The following JPH3 variants were observed in gnomAD, a reference collection of about 807,000 sequenced individuals.
JPH3 encodes the protein junctophilin 3.
A neutral mutation model predicts 59.6 loss-of-function variants in JPH3; 11 were observed. The ratio of observed to expected loss-of-function variants is 0.18; its 90% confidence interval spans 0.12 to 0.31. The LOEUF (loss-of-function observed/expected upper bound fraction) is 0.31. Among genes scored for constraint, JPH3 ranks in the 10% least tolerant of loss-of-function variants. The pLI is 1.00. For synonymous variants in JPH3, 673 were observed against 483.6 expected (o/e 1.39, Z -5.14); for missense variants, 1,202 against 1,105.7 (o/e 1.09, Z -1.24).
intron 2 of JPH3, among the ~76,000 whole-genome samples, chr16:87,656,746 C>T (rs1012157327): frequency 2.6e-5 from 4 of 152,138 alleles, no homozygotes; most frequent in Non-Finnish European, 5.9e-5. Flanking sequence ...TCCTGGTGTC[C>T]GCCTTTCTCC....
intron 2 of JPH3, among the ~76,000 whole-genome samples, chr16:87,681,083 C>T (rs968226988): frequency 6.6e-6 from 1 of 152,184 alleles, no homozygotes; most frequent in Non-Finnish European, 1.5e-5. Context: ...TATTACCCAT[C>T]GCAGGAGTCA....
chr16:87,696,061 G>GA (rs1482646638), intron 4 of JPH3: 1 of 456,448 alleles, frequency 2.2e-6, no homozygotes, highest in South Asian at 1.5e-5. Context: ...AAGGTGTGGT[G>GA]AGGGGGGGTT....
chr16:87,656,418 GC>G (rs762600008), intron 2 of JPH3, among the ~76,000 whole-genome samples: 5 of 152,210 alleles, frequency 3.3e-5, no homozygotes, highest in Non-Finnish European at 5.9e-5. Context: ...TACAGAGGGG[GC>G]TTCAGCTTCC....
rs899720810 is a variant in JPH3, at chr16:87,604,114, C to G, written c.382+586C>G. Reference sequence around the variant, plus strand: ...GTGGTTGGACGCGGACTAGCGCTGTCGAAGCAGGCTGCTGGAGGGAGGAGG... The same window carrying G: ...GTGGTTGGACGCGGACTAGCGCTGTGGAAGCAGGCTGCTGGAGGGAGGAGG... On this transcript the variant is annotated intron_variant, in intron 1 of 4. Transcript: ENST00000284262. 48 of 1,330,520 alleles carry G rather than the reference C, an allele frequency of 3.6e-5. 1 individual carries two copies. Among genetic ancestry groups the G allele is most frequent in the Non-Finnish European group, 4.4e-5 (45 of 1,024,466 alleles). 82.4% of individuals were successfully genotyped at this position (1,330,520 alleles called of 1,614,324 possible).
At chr16:87,604,993 G>A in intron 1 of JPH3, 2 of 444,770 alleles carry the variant, frequency 4.5e-6, no homozygotes, top group Non-Finnish European at 9.1e-6. Flanking sequence ...GTGTGTGTGT[G>A]CGCGCGCGTG....
At chr16:87,664,872 G>A (rs779231750) in intron 2 of JPH3, among the ~76,000 whole-genome samples, 1 of 152,184 alleles carries the variant, frequency 6.6e-6, no homozygotes, top group Non-Finnish European at 1.5e-5. Context: ...AGAGGCCCAA[G>A]GAAGCGTCAT....
In JPH3 at chr16:87,691,094, C is replaced by CT. The variant is rs200545048; in HGVS notation, c.2166+568_2166+569insT. Among the ~76,000 whole-genome samples the CT allele has an allele frequency of 4.4e-4, 67 of 151,254 alleles. 1 individual carries two copies. Among genetic ancestry groups the CT allele is most frequent in the African/African-American group, 1.5e-3 (60 of 41,276 alleles). ...CGTCAGCCTCACCCAGCACCCCCCC[C>CT]CCAAATTCGTTCCTCCAGGGCAGGC... On this transcript the variant is annotated intron_variant, in intron 4 of 4. Coordinates refer to ENST00000284262, the MANE Select transcript of JPH3 (RefSeq NM_020655.4).
At chr16:87,632,890 C>G (rs1405482529) in intron 1 of JPH3, among the ~76,000 whole-genome samples, 1 of 147,438 alleles carries the variant, frequency 6.8e-6, no homozygotes, top group Non-Finnish European at 1.5e-5. Flanking sequence ...TGGACTCTGT[C>G]TCAAAAAAAA....
At chr16:87,671,407 C>G (rs978517411) in intron 2 of JPH3, among the ~76,000 whole-genome samples, 5 of 152,200 alleles carry the variant, frequency 3.3e-5, no homozygotes, top group Non-Finnish European at 5.9e-5. Context: ...GATGACAGCA[C>G]CAGGCTCATG....
intron 1 of JPH3, among the ~76,000 whole-genome samples, chr16:87,639,452 A>G (rs562526287): frequency 6.6e-6 from 1 of 152,290 alleles, no homozygotes; most frequent in South Asian, 2.1e-4. Context: ...CATAACCTAC[A>G]GTGTCCCGTC....
intron 1 of JPH3, among the ~76,000 whole-genome samples, chr16:87,623,444 G>A (rs1046115055): frequency 6.6e-6 from 1 of 152,204 alleles, no homozygotes; most frequent in African/African-American, 2.4e-5. Context: ...GCTGTGTGGG[G>A]GACATGCCGT....
chr16:87,690,392 C>G lies in JPH3; in HGVS notation c.2032C>G (p.Leu678Val). The G allele has an allele frequency of 6.6e-7, 1 of 1,518,300 alleles. No individual in the cohort carries two copies. Among genetic ancestry groups the G allele is most frequent in the Non-Finnish European group, 8.8e-7 (1 of 1,135,620 alleles). The allele number at this position is 1,518,300 out of a possible 1,614,324, so 94.1% of individuals were successfully genotyped here. The change falls in exon 4 of 5, where the codon CTG becomes GTG. Residue 678 changes from leucine to valine, a missense_variant. Leu to Val is a conservative substitution (Grantham distance 32). Transcript: ENST00000284262. ...ASSAEPAVQK[L>V]ASLRLGGAEP... ...CTCCGCGGAGCCCGCCGTGCAGAAA[C>G]TGGCGAGCCTGCGGCTGGGCGGGGC...
chr16:87,666,570 A>AT (rs937644841), intron 2 of JPH3, among the ~76,000 whole-genome samples: 1 of 151,802 alleles, frequency 6.6e-6, no homozygotes, highest in African/African-American at 2.4e-5. Flanking sequence ...TTTCTTTAAA[A>AT]TTTTTTTGTA....
At chr16:87,694,515 A>G (rs2033723917) in intron 4 of JPH3, 1 of 152,226 alleles carries the variant, frequency 6.6e-6, no homozygotes, top group Non-Finnish European at 1.5e-5. Context: ...TTCTCCGGGC[A>G]AGGCCGTGAC....
At chr16:87,604,330 TA>T (rs2150818461) in intron 1 of JPH3, 2 of 1,137,002 alleles carry the variant, frequency 1.8e-6, no homozygotes, top group East Asian at 8.0e-5. Context: ...GCTGCTGCTG[TA>T]AGATGGTTTC....
At chr16:87,617,419 A>G (rs892703399) in intron 1 of JPH3, among the ~76,000 whole-genome samples, 1 of 152,068 alleles carries the variant, frequency 6.6e-6, no homozygotes, top group Admixed American at 6.5e-5. Context: ...TTTCCTGTGC[A>G]CAGATGTCTT....
chr16:87,632,709 A>G (rs1276495655), intron 1 of JPH3, among the ~76,000 whole-genome samples: 2 of 152,208 alleles, frequency 1.3e-5, no homozygotes, highest in African/African-American at 2.4e-5. Context: ...CCTAGCCAAC[A>G]TGGTGAAACT....
chr16:87,668,505 C>T (rs367549040), intron 2 of JPH3, among the ~76,000 whole-genome samples: 2 of 152,030 alleles, frequency 1.3e-5, no homozygotes, highest in Non-Finnish European at 2.9e-5. Flanking sequence ...TGGCGTGGCC[C>T]GTCACACTCA....
At chr16:87,660,810 G>A (rs2032676304) in intron 2 of JPH3, among the ~76,000 whole-genome samples, 1 of 152,178 alleles carries the variant, frequency 6.6e-6, no homozygotes, top group Admixed American at 6.5e-5. Context: ...GAGACAAACA[G>A]CTCCACCCAG....
Sources: allele counts gnomAD v4.1 joint callset (sites outside exome capture counted in the v4.1 genomes callset), GRCh38; gene constraint gnomAD v4.1.1; transcripts MANE v1.5; gene names NCBI Gene and HGNC (gene_info 2026-07-23, HGNC 2026-07-21).